NFIA: variants seen among roughly 807,000 people sequenced by gnomAD.
NFIA encodes nuclear factor I A.
In NFIA, 8 loss-of-function variants were observed where a neutral mutation model predicts 62.8. The observed-to-expected ratio is 0.13, with a 90% confidence interval of 0.07 to 0.23. The LOEUF (loss-of-function observed/expected upper bound fraction) is 0.23, where lower values mean the gene tolerates loss of function less well. Among genes scored for constraint, NFIA ranks in the 10% least tolerant of loss-of-function variants. The probability of loss-of-function intolerance (pLI) is 1.00; values close to 1 mark genes in which losing one functional copy is unlikely to be tolerated. For missense variants in NFIA, 410 were observed against 642.1 expected (o/e 0.64, Z 3.91); for synonymous variants, 235 against 238.1 (o/e 0.99, Z 0.12).
chr1:61,301,124 A>C (rs1451426987), intron 3 of NFIA, among the ~76,000 whole-genome samples: 1 of 152,124 alleles, frequency 6.6e-6, no homozygotes, highest in Non-Finnish European at 1.5e-5. Flanking sequence ...CTTAATTGTG[A>C]TGTAAATTTC....
intron 2 of NFIA, among the ~76,000 whole-genome samples, chr1:61,232,110 T>C (rs1654711669): frequency 6.6e-6 from 1 of 152,098 alleles, no homozygotes; most frequent in South Asian, 2.1e-4. Flanking sequence ...ATAAAGCAAG[T>C]CCACAAAGAT....
chr1:61,258,978 C>T (rs1180528744), intron 2 of NFIA, among the ~76,000 whole-genome samples: 1 of 152,102 alleles, frequency 6.6e-6, no homozygotes, highest in Non-Finnish European at 1.5e-5. Flanking sequence ...GCCTTGGCCT[C>T]CCAAAGTGCT....
At chr1:61,432,344 T>C (rs1361376118) in intron 10 of NFIA, among the ~76,000 whole-genome samples, 2 of 151,584 alleles carry the variant, frequency 1.3e-5, no homozygotes, top group African/African-American at 4.9e-5. Context: ...TGCACAAGGC[T>C]CAGCCAGAAA....
At chr1:61,395,650 C>A (rs1665230148) in intron 7 of NFIA, among the ~76,000 whole-genome samples, 1 of 152,164 alleles carries the variant, frequency 6.6e-6, no homozygotes. Flanking sequence ...CTAAATATTT[C>A]CAATAATCAC....
chr1:61,326,210 A>G (rs1411376701), intron 3 of NFIA, among the ~76,000 whole-genome samples: 3 of 152,116 alleles, frequency 2.0e-5, no homozygotes, highest in African/African-American at 4.8e-5. Flanking sequence ...CTTTAACTCT[A>G]TTTTTACTTG....
chr1:61,418,739 C>G (rs1020159602), intron 9 of NFIA, among the ~76,000 whole-genome samples: 3 of 152,154 alleles, frequency 2.0e-5, no homozygotes. Flanking sequence ...ATGTAATGAA[C>G]ATCTTGTAGC....
intron 9 of NFIA, among the ~76,000 whole-genome samples, chr1:61,410,281 T>TA (rs1466769551): frequency 2.0e-5 from 3 of 152,148 alleles, no homozygotes; most frequent in Non-Finnish European, 4.4e-5. Context: ...TAAGAGAAGA[T>TA]AGAACTTTTC....
At chr1:61,383,155 T>G (rs1013366149) in intron 6 of NFIA, 82 bp from the exon 7 acceptor site, 22 of 1,511,846 alleles carry the variant, frequency 1.5e-5, no homozygotes, top group Non-Finnish European at 2.0e-5. Context: ...TTGTTTTTAA[T>G]TCTTTAAATG....
chr1:61,426,500 T>A lies in NFIA; in HGVS notation c.1456T>A (p.Phe486Ile). The A allele has an allele frequency of 1.9e-6, 3 of 1,552,054 alleles. No homozygotes were observed. The highest frequency in any genetic ancestry group is 2.6e-6 in the Non-Finnish European group (3 of 1,147,050). Residue 486 changes from phenylalanine to isoleucine, a missense_variant, in exon 10 of 11, where the codon TTC becomes ATC. Around this residue, in one of 3 missense-constraint regions of NFIA, gnomAD observed 298 missense variants for 438.1 expected, o/e 0.68. Coordinates refer to ENST00000403491, the MANE Select transcript of NFIA (RefSeq NM_001134673.4). ...STPSTSPANR[F>I]VSVGPRDPSF... ...ACCCAGCACCTCCCCCGCAAACCGA[T>A]TCGTCAGTGTTGGACCACGGGATCC...
Position 61,456,182 on chromosome 1 carries a change from A to G in NFIA, c.*862A>G, listed in dbSNP as rs1668293861. 6.6e-6 allele frequency: 1 copy of G among 152,620 alleles called. No homozygotes were observed. Among genetic ancestry groups the G allele is most frequent in the African/African-American group, 2.4e-5 (1 of 41,458 alleles). The allele number at this position is 152,620 out of a possible 1,614,324, so 9.5% of individuals were successfully genotyped here. ...CGAATTTTGAATTGAGTAAAGTGCA[A>G]TTTCATTGGATAGCTAAATATCTTT... On this transcript the variant is annotated 3_prime_UTR_variant, in exon 11 of 11. Transcript: ENST00000403491.
chr1:61,312,614 G>C (rs1417774996), intron 3 of NFIA, among the ~76,000 whole-genome samples: 1 of 152,014 alleles, frequency 6.6e-6, no homozygotes, highest in East Asian at 1.9e-4. Flanking sequence ...CCAGGCTCAG[G>C]TGATCCTTCT....
chr1:61,289,486 G>T (rs1658727682), intron 3 of NFIA, among the ~76,000 whole-genome samples: 1 of 152,166 alleles, frequency 6.6e-6, no homozygotes, highest in African/African-American at 2.4e-5. Context: ...AGGGTATTCA[G>T]ACTCAACTCT....
At chr1:61,224,890 T>C (rs1424727675) in intron 2 of NFIA, among the ~76,000 whole-genome samples, 2 of 152,200 alleles carry the variant, frequency 1.3e-5, no homozygotes, top group Non-Finnish European at 1.5e-5. Flanking sequence ...GAAAATGTGA[T>C]GCTGCAAAGG....
At chr1:61,362,121 C>T (rs1048113285) in intron 6 of NFIA, among the ~76,000 whole-genome samples, 5 of 152,044 alleles carry the variant, frequency 3.3e-5, no homozygotes, top group Non-Finnish European at 7.4e-5. Flanking sequence ...ATTTATGCTG[C>T]CAGATGGTCC....
At chr1:61,335,928 A>T (rs914055059) in intron 4 of NFIA, among the ~76,000 whole-genome samples, 2 of 152,190 alleles carry the variant, frequency 1.3e-5, no homozygotes, top group Non-Finnish European at 2.9e-5. Flanking sequence ...GTCATATAAT[A>T]TGAAAAATTA....
At chr1:61,322,556 G>T (rs151109883) in intron 3 of NFIA, among the ~76,000 whole-genome samples, 4 of 152,218 alleles carry the variant, frequency 2.6e-5, no homozygotes, top group Non-Finnish European at 5.9e-5. Flanking sequence ...TTTCAGGTAC[G>T]TGGGGGTAGA....
At chr1:61,427,959 A>AAGAACATAATTTAATTTTGTACAACAGT (rs879556252) in intron 10 of NFIA, among the ~76,000 whole-genome samples, 4 of 152,230 alleles carry the variant, frequency 2.6e-5, no homozygotes, top group Non-Finnish European at 5.9e-5. Context: ...ATTAAAACAG[A>AAGAACATAATTTAATTTTGTACAACAGT]AGAACATAAT....
intron 2 of NFIA, among the ~76,000 whole-genome samples, chr1:61,265,293 A>G (rs1444850586): frequency 6.6e-6 from 1 of 152,252 alleles, no homozygotes; most frequent in Non-Finnish European, 1.5e-5. Context: ...TTGTACTGCA[A>G]TTAATTTTAA....
At chr1:61,385,236 C>CA (rs5774555) in intron 7 of NFIA, among the ~76,000 whole-genome samples, 42,216 of 147,158 alleles carry the variant, frequency 0.29, 5,987 homozygotes, top group East Asian at 0.37. Flanking sequence ...GACTCCATCT[C>CA]AAAAAAAAAA....
Sources: allele counts gnomAD v4.1 joint callset (sites outside exome capture counted in the v4.1 genomes callset), GRCh38; gene constraint gnomAD v4.1.1; regional missense constraint gnomAD v4.1.1; transcripts MANE v1.5; gene names NCBI Gene and HGNC (gene_info 2026-07-23, HGNC 2026-07-21).